The following SEMA5A variants were observed in gnomAD, a reference collection of about 807,000 sequenced individuals.
SEMA5A encodes the protein semaphorin-5A.
Under a neutral mutation model 135.5 loss-of-function variants are expected in SEMA5A, and 55 were observed. The observed-to-expected ratio is 0.41, with a 90% CI of 0.33 to 0.51. The LOEUF is 0.51. Among genes scored for constraint, SEMA5A ranks in the 20% least tolerant of loss-of-function variants. The pLI is 0.37. For missense variants in SEMA5A, 1,290 were observed against 1,419.9 expected (o/e 0.91, Z 1.47); for synonymous variants, 580 against 546.5 (o/e 1.06, Z -0.85).
At chr5:9,218,528 A>G (rs1207548778) in intron 8 of SEMA5A, among the ~76,000 whole-genome samples, 2 of 152,254 alleles carry the variant, frequency 1.3e-5, no homozygotes, top group African/African-American at 2.4e-5. Flanking sequence ...ACACAATTTA[A>G]TCACAGTTAA....
chr5:9,469,554 A>G (rs1759398635), intron 1 of SEMA5A, among the ~76,000 whole-genome samples: 1 of 152,214 alleles, frequency 6.6e-6, no homozygotes, highest in Admixed American at 6.5e-5. Flanking sequence ...AGGCTCAAAA[A>G]GATTCACTCA....
At chr5:9,416,854 C>T (rs1278694049) in intron 2 of SEMA5A, among the ~76,000 whole-genome samples, 2 of 152,094 alleles carry the variant, frequency 1.3e-5, no homozygotes, top group East Asian at 3.9e-4. Flanking sequence ...TAATGTGCTA[C>T]CCTCACTGAC....
At chr5:9,133,535 C>T (rs1268451463) in intron 13 of SEMA5A, among the ~76,000 whole-genome samples, 1 of 152,120 alleles carries the variant, frequency 6.6e-6, no homozygotes, top group East Asian at 1.9e-4. Context: ...AGAAGCAGAC[C>T]TTGTAATGAG....
At chr5:9,266,060 G>T (rs1749669105) in intron 5 of SEMA5A, among the ~76,000 whole-genome samples, 1 of 152,160 alleles carries the variant, frequency 6.6e-6, no homozygotes, top group African/African-American at 2.4e-5. Flanking sequence ...ATCTGTTTGT[G>T]AACAAAAGGC....
rs80155750 is a variant in SEMA5A, at chr5:9,138,202, A to T, written c.1482-1581T>A. ...TGATATGCGACCATATGCAGACATGACTTCCATTCAAAAATACAAACAAGG... is the reference window on the plus strand; with the variant it reads ...TGATATGCGACCATATGCAGACATGTCTTCCATTCAAAAATACAAACAAGG... On this transcript the variant is annotated intron_variant, in intron 12 of 22. Coordinates refer to ENST00000382496, the MANE Select transcript of SEMA5A (RefSeq NM_003966.3). Among the ~76,000 whole-genome samples the T allele has an allele frequency of 3.3e-3, 499 of 152,336 alleles. 1 individual carries two copies. The highest frequency in any genetic ancestry group is 0.011 in the African/African-American group (453 of 41,582).
chr5:9,158,471 T>G (rs1743074354), intron 11 of SEMA5A, among the ~76,000 whole-genome samples: 1 of 151,110 alleles, frequency 6.6e-6, no homozygotes, highest in Non-Finnish European at 1.5e-5. Flanking sequence ...TAAAATCTTC[T>G]TAATCATTCT....
chr5:9,088,026 G>C (rs140249749), intron 16 of SEMA5A, among the ~76,000 whole-genome samples: 2 of 152,072 alleles, frequency 1.3e-5, no homozygotes, highest in African/African-American at 4.8e-5. Context: ...GGTGGCTCAC[G>C]CCTATAATCC....
intron 8 of SEMA5A, among the ~76,000 whole-genome samples, chr5:9,222,461 TGTAGGCCAG>T (rs1314765452): frequency 2.0e-5 from 3 of 152,212 alleles, no homozygotes; most frequent in African/African-American, 7.2e-5. Context: ...GTCTTCCCAA[TGTAGGCCAG>T]GGAAGGAGTG....
At chr5:9,119,347 G>A (rs1209510930) in intron 14 of SEMA5A, among the ~76,000 whole-genome samples, 1 of 152,160 alleles carries the variant, frequency 6.6e-6, no homozygotes, top group Non-Finnish European at 1.5e-5. Flanking sequence ...CTGGTTTATA[G>A]CCAAGATAGG....
intron 2 of SEMA5A, among the ~76,000 whole-genome samples, chr5:9,410,956 T>C (rs774903966): frequency 4.0e-5 from 6 of 148,608 alleles, no homozygotes; most frequent in Non-Finnish European, 7.4e-5. Context: ...TCTTGAGTTA[T>C]AGCAAATGAC....
chr5:9,378,229 T>TG (rs972820435), intron 3 of SEMA5A, among the ~76,000 whole-genome samples: 3 of 151,982 alleles, frequency 2.0e-5, no homozygotes, highest in Admixed American at 6.6e-5. Flanking sequence ...TATAAATTGA[T>TG]GGGGGGCGGG....
At chr5:9,249,916 T>C (rs958641365) in intron 5 of SEMA5A, among the ~76,000 whole-genome samples, 3 of 152,176 alleles carry the variant, frequency 2.0e-5, no homozygotes, top group Non-Finnish European at 4.4e-5. Flanking sequence ...AGGGTGGGGA[T>C]TGGAGAGGTC....
chr5:9,442,772 T>C (rs1052654495), intron 1 of SEMA5A, among the ~76,000 whole-genome samples: 3 of 152,084 alleles, frequency 2.0e-5, no homozygotes, highest in Non-Finnish European at 1.5e-5. Flanking sequence ...AAATAAAAAG[T>C]CAAAACATCA....
At chr5:9,056,095 A>G (rs757870622) in intron 18 of SEMA5A, among the ~76,000 whole-genome samples, 1 of 152,208 alleles carries the variant, frequency 6.6e-6, no homozygotes, top group African/African-American at 2.4e-5. Context: ...CTCAGGGCTC[A>G]GAAGGGTCTA....
chr5:9,504,709 G>A (rs973606977), intron 1 of SEMA5A, among the ~76,000 whole-genome samples: 1 of 152,218 alleles, frequency 6.6e-6, no homozygotes. Context: ...GTGCAAGGGA[G>A]GAATCAGTGA....
rs1579368747 is a variant in SEMA5A, at chr5:9,087,462, TA to T, written c.2073+20677del. On this transcript the variant is annotated intron_variant, in intron 16 of 22. Coordinates refer to ENST00000382496, the MANE Select transcript of SEMA5A (RefSeq NM_003966.3). Reference sequence around the variant, plus strand: ...CATTCTGCTGTGTGTTTCTAAAATATAAAATGGTGATTAAATAATTAAATGG... The same window carrying T: ...CATTCTGCTGTGTGTTTCTAAAATATAAATGGTGATTAAATAATTAAATGG... Among the ~76,000 whole-genome samples, 8 of 152,224 alleles carry T rather than the reference TA, an allele frequency of 5.3e-5. No homozygotes were observed. The East Asian group carries it at 1.5e-3, about 29-fold the overall frequency.
chr5:9,407,701 T>A (rs1364556056), intron 2 of SEMA5A, among the ~76,000 whole-genome samples: 3 of 152,118 alleles, frequency 2.0e-5, no homozygotes, highest in Non-Finnish European at 4.4e-5. Flanking sequence ...TCTTCCTCAG[T>A]CCCCAGCTAC....
At chr5:9,374,264 GA>G (rs5865828) in intron 3 of SEMA5A, among the ~76,000 whole-genome samples, 45,921 of 147,812 alleles carry the variant, frequency 0.31, 7,109 homozygotes, top group South Asian at 0.37. Flanking sequence ...ACAGAGGCTG[GA>G]AAAAAAAAAA....
At chr5:9,135,292 T>C (rs906160339) in intron 13 of SEMA5A, among the ~76,000 whole-genome samples, 2 of 151,042 alleles carry the variant, frequency 1.3e-5, no homozygotes, top group African/African-American at 2.4e-5. Flanking sequence ...GCCATTCTCC[T>C]GCCTCAGCCT....
Sources: gnomAD v4.1 joint callset for allele counts (sites outside exome capture counted in the v4.1 genomes callset) on GRCh38, gnomAD v4.1.1 for gene constraint, MANE v1.5 for transcripts, NCBI Gene and HGNC (gene_info 2026-07-23, HGNC 2026-07-21) for gene names.